ACAP3: variants seen among roughly 807,000 people sequenced by gnomAD.
The protein encoded by ACAP3 is arf-GAP with coiled-coil, ANK repeat and PH domain-containing protein 3.
Under a neutral mutation model 104.1 loss-of-function variants are expected in ACAP3, and 56 were observed. That is an observed-to-expected ratio of 0.54 (90% confidence interval 0.43 to 0.67). ACAP3 has a LOEUF of 0.67. ACAP3 is among the 30% of genes least tolerant of loss of function. The pLI, the probability that ACAP3 is intolerant of heterozygous loss-of-function variation, is 0.00. For synonymous variants in ACAP3, 628 were observed against 496.2 expected (o/e 1.27, Z -3.53); for missense variants, 1,208 against 1,174.9 (o/e 1.03, Z -0.41).
In ACAP3 at chr1:1,296,423, A is replaced by G; in HGVS notation, c.1337+2T>C. On this transcript the variant is annotated splice_donor_variant, in intron 15 of 23. Transcript: ENST00000354700. LOFTEE classifies it high-confidence loss of function. ...CCCCCAGCCTGGCCCTCAGGGGCCC[A>G]CCTGTGGATGCCGGAGCACTCAATG... 1 of 1,544,226 alleles carries G rather than the reference A, an allele frequency of 6.5e-7. No individual in the cohort carries two copies. The highest frequency in any genetic ancestry group is 8.7e-7 in the Non-Finnish European group (1 of 1,145,680).
chr1:1,298,025 A>G lies in ACAP3; in HGVS notation c.1004T>C (p.Leu335Pro). ...DIERRFCFEVLSPTKSCMLQA... is the reference protein window; with the variant it reads ...DIERRFCFEVPSPTKSCMLQA... ...TGGGCCTCCTCACTTGGTGGGTGAC[A>G]GCACCTCGAAGCAGAACCTCCGCTC... Residue 335 changes from leucine to proline, a missense_variant, in exon 13 of 24, where the codon CTG (leucine) becomes CCG (proline). Physicochemically the swap from Leu to Pro is moderately conservative, Grantham distance 98. Coordinates refer to ENST00000354700, the MANE Select transcript of ACAP3 (RefSeq NM_030649.3). 1.2e-6 allele frequency: 2 copies of G among 1,611,820 alleles called. No homozygotes were observed. Among genetic ancestry groups the G allele is most frequent in the Non-Finnish European group, 1.7e-6 (2 of 1,179,538 alleles).
chr1:1,296,001 G>C lies in ACAP3; in HGVS notation c.1502+14C>G, dbSNP rs1254519916. 1.2e-5 allele frequency: 19 copies of C among 1,612,640 alleles called. No individual in the cohort carries two copies. The highest frequency in any genetic ancestry group is 1.6e-5 in the Non-Finnish European group (19 of 1,179,962). ...TGGGGCTCCCTGACTGATCCAGACT[G>C]TACCCCACCTCACCGGGAGCTGCTG... is the stretch of plus-strand genomic sequence containing the variant. On this transcript the variant is annotated intron_variant, in intron 17 of 23. Transcript: ENST00000354700.
chr1:1,302,241 C>T (rs970524007), intron 4 of ACAP3, among the ~76,000 whole-genome samples, 195 bp from the exon 5 acceptor site: 1 of 152,142 alleles, frequency 6.6e-6, no homozygotes, highest in African/African-American at 2.4e-5. Context: ...CGATGGCTGT[C>T]ACCCCTGCCC....
intron 1 of ACAP3, chr1:1,307,113 C>A: frequency 8.4e-7 from 1 of 1,185,940 alleles, no homozygotes. Context: ...TTGTCGTTTG[C>A]CAAATGTCCA....
At chr1:1,299,477 T>TG (rs1557604713) in intron 9 of ACAP3, 121 bp from the exon 10 acceptor site, 2 of 1,232,282 alleles carry the variant, frequency 1.6e-6, no homozygotes, top group South Asian at 3.3e-5. Context: ...CCCCAACTCC[T>TG]GGGGGGCTCT....
chr1:1,293,972 G>A (rs766176677), intron 22 of ACAP3, 39 bp from the exon 23 acceptor site: 11 of 1,498,392 alleles, frequency 7.3e-6, no homozygotes, highest in Non-Finnish European at 9.8e-6. Flanking sequence ...GGGGCGGGGC[G>A]GGGCGGGGCG....
intron 2 of ACAP3, 26 bp downstream of exon 2, chr1:1,304,060 C>T (rs1570662255): frequency 1.9e-6 from 3 of 1,550,320 alleles, no homozygotes; most frequent in Non-Finnish European, 1.7e-6. Flanking sequence ...TGGCCGGGCA[C>T]AGGGCGCTCC....
At chr1:1,297,062 C>T (rs1039373310) in intron 14 of ACAP3, among the ~76,000 whole-genome samples, 6 of 152,230 alleles carry the variant, frequency 3.9e-5, no homozygotes, top group Non-Finnish European at 7.3e-5. Context: ...CACACACAGG[C>T]GTGTGCACGT....
At position 1,303,987 on chromosome 1, in the gene ACAP3, G is replaced by T; in HGVS notation, c.105+99C>A. 1.4e-6 allele frequency: 2 copies of T among 1,393,534 alleles called. No individual in the cohort carries two copies. The highest frequency in any genetic ancestry group is 2.0e-6 in the Non-Finnish European group (2 of 1,013,038). The allele number at this position is 1,393,534 out of a possible 1,614,324, so 86.3% of individuals were successfully genotyped here. On this transcript the variant is annotated intron_variant, in intron 2 of 23. Transcript: ENST00000354700. This position sits in a 1 kb window ranked among gnomAD's most constrained non-coding sequence, Gnocchi z 4.0. Reference sequence around the variant, plus strand: ...AGCACCACACGCATGCTCCACATATGGGGGGTGTAAGTGGCTTAGTAAGGC... The same window carrying T: ...AGCACCACACGCATGCTCCACATATTGGGGGTGTAAGTGGCTTAGTAAGGC...
rs72896234 is a variant in ACAP3, at chr1:1,306,130, G to A, written c.47+1639C>T. ...CCAGTCCATGCCCCACAGGGGTGAG[G>A]CACTTTCCCAGGGCAGTCACTCTAC... On this transcript the variant is annotated intron_variant, in intron 1 of 23. Coordinates refer to ENST00000354700, the MANE Select transcript of ACAP3 (RefSeq NM_030649.3). Among the ~76,000 whole-genome samples, 347 of 152,326 alleles carry A rather than the reference G, an allele frequency of 2.3e-3. 3 individuals are homozygous for A. The highest frequency in any genetic ancestry group is 7.5e-3 in the African/African-American group (313 of 41,564).
Position 1,296,246 on chromosome 1 carries a change from G to A in ACAP3, c.1372C>T (p.Leu458=). 1 of 1,563,430 alleles carries A rather than the reference G, an allele frequency of 6.4e-7. No homozygotes were observed. The highest frequency in any genetic ancestry group is 8.7e-7 in the Non-Finnish European group (1 of 1,153,944). Residue 458 remains leucine (L), a synonymous_variant, in exon 16 of 24, where the codon CTG becomes TTG. Transcript: ENST00000354700. ...TCAGGCTCCCACGAGTCCAGCGTCA[G>A]GGACCGCACCTTGGAGCAGTGGACA... ...LGVHCSKVRS[L]TLDSWEPELL...
At chr1:1,305,255 G>C (rs929713359) in intron 1 of ACAP3, 2 of 152,708 alleles carry the variant, frequency 1.3e-5, no homozygotes, top group African/African-American at 2.4e-5. Flanking sequence ...GGGCTAAGAG[G>C]ACTCTGAATC....
chr1:1,301,785 T>C (rs547308246), intron 5 of ACAP3: 2 of 431,306 alleles, frequency 4.6e-6, no homozygotes, highest in African/African-American at 4.1e-5. Flanking sequence ...CTGTGGGGGC[T>C]GGACACCCCA....
In ACAP3 at chr1:1,293,817, G is replaced by A. The variant is rs762678952; in HGVS notation, c.2360+6C>T. On this transcript the variant is annotated splice_donor_region_variant and intron_variant, in intron 23 of 23. Coordinates refer to ENST00000354700, the MANE Select transcript of ACAP3 (RefSeq NM_030649.3). ...CGCCCAGCCCCGAGGGCCCGGCCGC[G>A]CTCACAGTGTCACGATGTCAGCGTT... The A allele has an allele frequency of 9.6e-6, 12 of 1,246,364 alleles. No individual in the cohort carries two copies. The highest frequency in any genetic ancestry group is 2.8e-5 in the African/African-American group (1 of 35,590). The allele number at this position is 1,246,364 out of a possible 1,614,324, so 77.2% of individuals were successfully genotyped here.
At chr1:1,302,190 G>A in intron 4 of ACAP3, 144 bp from the exon 5 acceptor site, 1 of 633,612 alleles carries the variant, frequency 1.6e-6, no homozygotes, top group Non-Finnish European at 2.4e-6. Context: ...CCTCAAGGGG[G>A]TCAGGGGAGC....
chr1:1,298,231 A>G, intron 12 of ACAP3, 118 bp from the exon 13 acceptor site: 1 of 1,576,994 alleles, frequency 6.3e-7, no homozygotes, highest in Non-Finnish European at 8.6e-7. Context: ...CCCCGTGTCC[A>G]GCTCTCTGCT....
chr1:1,306,980 TG>T, intron 1 of ACAP3: 1 of 421,666 alleles, frequency 2.4e-6, no homozygotes, highest in Admixed American at 2.6e-5. Context: ...CAAGGCCTGG[TG>T]TCCGGAGGGA....
rs1460352497 is a variant in ACAP3 at position 1,296,239 on chromosome 1, A to T, written c.1379T>A (p.Leu460Gln). Reference sequence around the variant, plus strand: ...TAGCAGCTCAGGCTCCCACGAGTCCAGCGTCAGGGACCGCACCTTGGAGCA... The same window carrying T: ...TAGCAGCTCAGGCTCCCACGAGTCCTGCGTCAGGGACCGCACCTTGGAGCA... ...VHCSKVRSLT[L>Q]DSWEPELLKL... is the part of the protein sequence containing the mutation. Residue 460 changes from leucine to glutamine, a missense_variant, in exon 16 of 24, where the codon CTG becomes CAG. Coordinates refer to ENST00000354700, the MANE Select transcript of ACAP3 (RefSeq NM_030649.3). The T allele has an allele frequency of 6.4e-7, 1 of 1,564,866 alleles. No homozygotes were observed. The highest frequency in any genetic ancestry group is 2.4e-5 in the East Asian group (1 of 42,098).
Position 1,300,691 on chromosome 1 carries a change from C to T in ACAP3, c.340G>A (p.Asp114Asn), listed in dbSNP as rs1641404515. The T allele has an allele frequency of 1.2e-6, 2 of 1,606,508 alleles. No individual in the cohort carries two copies. Among genetic ancestry groups the T allele is most frequent in the East Asian group, 2.3e-5 (1 of 44,340 alleles). The stretch of plus-strand genomic sequence containing the variant: ...TTTGTCTCCTTGAACTTCCGCACAT[C>T]CCTGGAGGCCAAGTGCCAGGTGGGG... ...RQQLQSFVKE[D>N]VRKFKETKKQ... Residue 114 changes from aspartate (D) to asparagine (N), a missense_variant and splice_region_variant, in exon 6 of 24, where the codon GAT becomes AAT. Transcript: ENST00000354700.
Sources: allele counts gnomAD v4.1 joint callset (sites outside exome capture counted in the v4.1 genomes callset), GRCh38; gene constraint gnomAD v4.1.1; non-coding constraint Gnocchi (gnomAD v3.1); transcripts MANE v1.5; gene names NCBI Gene and HGNC (gene_info 2026-07-23, HGNC 2026-07-21).